The following LRRC7 variants were observed in gnomAD, a reference collection of about 807,000 sequenced individuals.
The protein encoded by LRRC7 is leucine rich repeat containing 7.
LRRC7 carries 23 observed loss-of-function variants against 175.7 expected under a neutral mutation model. That is an observed-to-expected ratio of 0.13 (90% confidence interval 0.09 to 0.19). LRRC7 has a LOEUF of 0.19. Ranked by LOEUF, LRRC7 falls within the 10% of genes least tolerant of loss-of-function variation. The pLI is 1.00. For synonymous variants in LRRC7, 685 were observed against 680.9 expected, an observed-to-expected ratio of 1.01 and a Z score of -0.09; for missense variants, 1,354 against 1,904.7, an observed-to-expected ratio of 0.71 and a Z score of 5.38.
intron 3 of LRRC7, among the ~76,000 whole-genome samples, chr1:69,760,761 A>G (rs934322017): frequency 6.6e-6 from 1 of 152,084 alleles, no homozygotes; most frequent in African/African-American, 2.4e-5. Flanking sequence ...GTTGTATATT[A>G]AGGTGACATT....
At chr1:69,604,391 G>A (rs1647222670) in intron 1 of LRRC7, among the ~76,000 whole-genome samples, 1 of 152,052 alleles carries the variant, frequency 6.6e-6, no homozygotes, top group Non-Finnish European at 1.5e-5. Flanking sequence ...TTATGTATTG[G>A]CCCTTTAAAG....
intron 4 of LRRC7, among the ~76,000 whole-genome samples, chr1:69,797,023 T>C (rs951088091): frequency 2.0e-5 from 3 of 152,204 alleles, no homozygotes; most frequent in African/African-American, 7.2e-5. Flanking sequence ...ATCTCATTTA[T>C]TTCTCTGTTT....
At chr1:69,924,564 G>A (rs1489823499) in intron 7 of LRRC7, among the ~76,000 whole-genome samples, 3 of 152,066 alleles carry the variant, frequency 2.0e-5, no homozygotes, top group East Asian at 1.9e-4. Context: ...TGAAGCAATT[G>A]TGAATGGGAG....
intron 4 of LRRC7, among the ~76,000 whole-genome samples, chr1:69,820,754 T>C (rs931177487): frequency 2.6e-5 from 4 of 152,174 alleles, no homozygotes; most frequent in African/African-American, 9.7e-5. Flanking sequence ...CTTTATCCAG[T>C]CTATCATTGA....
chr1:70,067,866 T>G (rs1255194114), intron 23 of LRRC7, among the ~76,000 whole-genome samples: 1 of 152,150 alleles, frequency 6.6e-6, no homozygotes, highest in African/African-American at 2.4e-5. Context: ...ATTGCATTTT[T>G]TGAATGATTA....
At chr1:70,026,742 T>C (rs541937158) in intron 17 of LRRC7, among the ~76,000 whole-genome samples, 1 of 152,118 alleles carries the variant, frequency 6.6e-6, no homozygotes, top group Non-Finnish European at 1.5e-5. Context: ...TTATCTGGTT[T>C]TTCATTTGTT....
At chr1:69,711,419 T>TTAAA (rs1485833383) in intron 2 of LRRC7, among the ~76,000 whole-genome samples, 1 of 152,120 alleles carries the variant, frequency 6.6e-6, no homozygotes, top group African/African-American at 2.4e-5. Flanking sequence ...TGAGACTGAG[T>TTAAA]TAAAGTTCTT....
In LRRC7 at chr1:70,131,849, A is replaced by T. The variant is rs1258344276; in HGVS notation, c.*9962A>T. Among the ~76,000 whole-genome samples the T allele has an allele frequency of 6.6e-6, 1 of 152,236 alleles. No homozygotes were observed. Among genetic ancestry groups the T allele is most frequent in the Admixed American group, 6.5e-5 (1 of 15,274 alleles). On this transcript the variant is annotated 3_prime_UTR_variant, in exon 27 of 27. Transcript: ENST00000651989. ...ATGAAAAATGAACTGGAAAAGTGAA[A>T]TATTAATTGAGAGAGTGACATTATC...
intron 1 of LRRC7, among the ~76,000 whole-genome samples, chr1:69,601,354 G>C (rs1647063974): frequency 6.6e-6 from 1 of 152,196 alleles, no homozygotes; most frequent in African/African-American, 2.4e-5. Context: ...ATTACTGCGT[G>C]GATCATTCTA....
At chr1:70,055,951 A>G (rs1403100658) in intron 23 of LRRC7, among the ~76,000 whole-genome samples, 1 of 152,224 alleles carries the variant, frequency 6.6e-6, no homozygotes, top group Non-Finnish European at 1.5e-5. Flanking sequence ...TAAAAGTTCC[A>G]AGGTTGATAC....
intron 3 of LRRC7, among the ~76,000 whole-genome samples, chr1:69,781,786 AAAGGAAGG>A (rs771907811): frequency 0.058 from 1,630 of 28,108 alleles, 184 homozygotes; most frequent in Middle Eastern, 0.096. Context: ...AGAAAGAAAG[AAAGGAAGG>A]AAGGAAGGAA....
intron 8 of LRRC7, among the ~76,000 whole-genome samples, chr1:69,961,600 G>A (rs891910639): frequency 6.6e-6 from 1 of 152,164 alleles, no homozygotes; most frequent in Non-Finnish European, 1.5e-5. Flanking sequence ...GGCTGCTACA[G>A]TAACCAAAAC....
intron 25 of LRRC7, among the ~76,000 whole-genome samples, chr1:70,097,098 A>T (rs1664461651): frequency 6.6e-6 from 1 of 152,188 alleles, no homozygotes; most frequent in East Asian, 1.9e-4. Flanking sequence ...CAGCACTGTA[A>T]ATTTTTAAAT....
intron 11 of LRRC7, among the ~76,000 whole-genome samples, chr1:69,995,650 G>C (rs549877312): frequency 2.0e-5 from 3 of 151,106 alleles, no homozygotes; most frequent in East Asian, 3.9e-4. Flanking sequence ...GAGAATATGC[G>C]GTGTTTGGTT....
At chr1:69,693,025 G>A (rs1032603645) in intron 2 of LRRC7, among the ~76,000 whole-genome samples, 1 of 151,706 alleles carries the variant, frequency 6.6e-6, no homozygotes, top group African/African-American at 2.4e-5. Flanking sequence ...CTGGTTTTCA[G>A]GCTCGCAGAC....
At chr1:69,845,985 C>A (rs1682315404) in intron 7 of LRRC7, among the ~76,000 whole-genome samples, 1 of 152,114 alleles carries the variant, frequency 6.6e-6, no homozygotes, top group Admixed American at 6.6e-5. Flanking sequence ...GTTTGACAAG[C>A]TAACTAACCA....
At chr1:69,600,434 C>CA (rs1647007453) in intron 1 of LRRC7, among the ~76,000 whole-genome samples, 1 of 152,170 alleles carries the variant, frequency 6.6e-6, no homozygotes, top group East Asian at 1.9e-4. Context: ...GTGTAGTGCA[C>CA]AGGTGTTTTT....
intron 7 of LRRC7, among the ~76,000 whole-genome samples, chr1:69,888,671 C>G (rs990575503): frequency 6.6e-6 from 1 of 151,916 alleles, no homozygotes; most frequent in Non-Finnish European, 1.5e-5. Flanking sequence ...GTGAAATAAG[C>G]CAAACACAGA....
chr1:69,598,575 G>A (rs1646933206), intron 1 of LRRC7, among the ~76,000 whole-genome samples: 1 of 152,070 alleles, frequency 6.6e-6, no homozygotes, highest in Non-Finnish European at 1.5e-5. Context: ...CTAATCAGAT[G>A]AGGCCCACCC....
Sources: allele counts gnomAD v4.1 joint callset (sites outside exome capture counted in the v4.1 genomes callset), GRCh38; gene constraint gnomAD v4.1.1; transcripts MANE v1.5; gene names NCBI Gene and HGNC (gene_info 2026-07-23, HGNC 2026-07-21).